MTUS2: variants seen among roughly 807,000 people sequenced by gnomAD.
MTUS2 encodes microtubule associated scaffold protein 2.
In MTUS2, 40 loss-of-function variants were observed where a neutral mutation model predicts 114.1. The ratio of observed to expected loss-of-function variants is 0.35; its 90% CI spans 0.27 to 0.46. MTUS2 has a LOEUF of 0.46. Among genes scored for constraint, MTUS2 ranks in the 20% least tolerant of loss-of-function variants. MTUS2 has a pLI of 1.00. For synonymous variants in MTUS2, 688 were observed against 672.0 expected (o/e 1.02, Z -0.37); for missense variants, 1,679 against 1,705.4 (o/e 0.98, Z 0.27).
intron 8 of MTUS2, among the ~76,000 whole-genome samples, chr13:29,431,046 CAAAACA>C (rs1876956282): frequency 6.6e-6 from 1 of 152,080 alleles, no homozygotes; most frequent in African/African-American, 2.4e-5. Context: ...TTTGAGAAAT[CAAAACA>C]ATTTAACAGT....
In MTUS2 at chr13:28,848,489, G is replaced by A. The variant is rs559703878; in HGVS notation, c.-243+8639G>A. Among the ~76,000 whole-genome samples the A allele has an allele frequency of 1.8e-4, 28 of 151,960 alleles. No individual in the cohort carries two copies. In the South Asian group the frequency reaches 4.6e-3, roughly 25 times the overall value. ...AATAGTCAAAAGGATTACATTATAC[G>A]ATAAATAATAAAAACAAACTTGTTG... On this transcript the variant is annotated intron_variant, in intron 2 of 15. Coordinates refer to ENST00000612955, the MANE Select transcript of MTUS2 (RefSeq NM_001033602.4).
intron 5 of MTUS2, among the ~76,000 whole-genome samples, chr13:29,203,707 A>G (rs925955968): frequency 5.3e-5 from 8 of 152,092 alleles, no homozygotes; most frequent in African/African-American, 1.7e-4. Flanking sequence ...TGGGAAAAGC[A>G]TAGTATCTGG....
chr13:28,958,606 G>A (rs1883180418), intron 2 of MTUS2, among the ~76,000 whole-genome samples: 1 of 152,236 alleles, frequency 6.6e-6, no homozygotes, highest in African/African-American at 2.4e-5. Context: ...ATTAAAAGGT[G>A]TGGAAATTCT....
chr13:28,956,967 C>T (rs1883101297), intron 2 of MTUS2, among the ~76,000 whole-genome samples: 1 of 151,414 alleles, frequency 6.6e-6, no homozygotes, highest in Middle Eastern at 3.4e-3. Flanking sequence ...GGGAAGAAGG[C>T]TGCCCTAGAG....
chr13:29,293,494 A>G (rs2139583469), intron 6 of MTUS2, among the ~76,000 whole-genome samples: 1 of 152,252 alleles, frequency 6.6e-6, no homozygotes, highest in South Asian at 2.1e-4. Context: ...AGTGTTAGTG[A>G]GAATATAAAT....
chr13:29,310,211 A>C (rs1682585451), intron 6 of MTUS2, among the ~76,000 whole-genome samples: 1 of 152,126 alleles, frequency 6.6e-6, no homozygotes, highest in African/African-American at 2.4e-5. Context: ...TACTGTTGTC[A>C]CCTATTTTAC....
intron 4 of MTUS2, among the ~76,000 whole-genome samples, chr13:29,074,191 C>T (rs1407126014): frequency 1.3e-5 from 2 of 152,200 alleles, no homozygotes; most frequent in Non-Finnish European, 2.9e-5. Flanking sequence ...TCAAGCAAGA[C>T]TCTTCCAGCT....
chr13:29,273,659 A>T (rs543654023), intron 5 of MTUS2, among the ~76,000 whole-genome samples: 1 of 152,318 alleles, frequency 6.6e-6, no homozygotes, highest in East Asian at 1.9e-4. Context: ...TCGAGAACAT[A>T]TTTAATCACC....
At chr13:29,215,019 T>G (rs373108595) in intron 5 of MTUS2, among the ~76,000 whole-genome samples, 4 of 152,196 alleles carry the variant, frequency 2.6e-5, no homozygotes, top group African/African-American at 7.2e-5. Flanking sequence ...AGTTTGGTCT[T>G]TCCACATAGT....
At chr13:29,406,372 G>C (rs888643394) in intron 8 of MTUS2, among the ~76,000 whole-genome samples, 1 of 152,150 alleles carries the variant, frequency 6.6e-6, no homozygotes, top group South Asian at 2.1e-4. Context: ...ATCAAAGCTG[G>C]ACTGGGGCTG....
rs760714753 is a variant in MTUS2, at chr13:28,850,290, A to T, written c.-243+10440A>T. ...TAGACAGATACATTCCCCTCTGTAT[A>T]GGGCCCCATCCCAGTTTTTGGACAG... On this transcript the variant is annotated intron_variant, in intron 2 of 15. Transcript: ENST00000612955. 2.4e-3 allele frequency among the ~76,000 whole-genome samples: 366 copies of T among 152,362 alleles called. 1 individual carries two copies. The highest frequency in any genetic ancestry group is 4.5e-3 in the Non-Finnish European group (304 of 68,038).
chr13:29,385,717 A>T (rs1872589574), intron 8 of MTUS2, among the ~76,000 whole-genome samples: 1 of 152,174 alleles, frequency 6.6e-6, no homozygotes, highest in Non-Finnish European at 1.5e-5. Flanking sequence ...GTTCTGAGCC[A>T]ATCAGGGATA....
chr13:28,884,120 A>G (rs1878452373), intron 2 of MTUS2, among the ~76,000 whole-genome samples: 3 of 152,222 alleles, frequency 2.0e-5, no homozygotes, highest in Non-Finnish European at 4.4e-5. Flanking sequence ...TCATAGCAGC[A>G]TTATTCACTT....
At chr13:29,460,181 C>G (rs1879384104) in intron 9 of MTUS2, among the ~76,000 whole-genome samples, 1 of 152,186 alleles carries the variant, frequency 6.6e-6, no homozygotes, top group Non-Finnish European at 1.5e-5. Flanking sequence ...AGTCAATTGA[C>G]TTGCCCGAGG....
chr13:29,194,448 A>C (rs985264945), intron 5 of MTUS2, among the ~76,000 whole-genome samples: 6 of 151,912 alleles, frequency 3.9e-5, no homozygotes, highest in African/African-American at 1.4e-4. Context: ...ATGAACAGAC[A>C]CTTCTCAAAA....
chr13:28,840,981 G>A (rs1875441019), intron 2 of MTUS2, among the ~76,000 whole-genome samples: 1 of 152,224 alleles, frequency 6.6e-6, no homozygotes, highest in African/African-American at 2.4e-5. Flanking sequence ...TTTATAGTAT[G>A]TGCTTTCAGA....
At chr13:28,957,841 A>G (rs1883143960) in intron 2 of MTUS2, among the ~76,000 whole-genome samples, 1 of 152,252 alleles carries the variant, frequency 6.6e-6, no homozygotes. Flanking sequence ...ACAGATGTGC[A>G]TGAACCCTGC....
intron 2 of MTUS2, among the ~76,000 whole-genome samples, chr13:28,945,635 T>G (rs1283003146): frequency 1.3e-5 from 2 of 152,236 alleles, no homozygotes; most frequent in African/African-American, 4.8e-5. Context: ...TTTTGAAAAA[T>G]GTCTGTTCAT....
chr13:29,403,186 CTGTGCACACAGACT>C (rs1874481299), intron 8 of MTUS2, among the ~76,000 whole-genome samples: 1 of 152,160 alleles, frequency 6.6e-6, no homozygotes, highest in African/African-American at 2.4e-5. Context: ...CCCCTGGGCC[CTGTGCACACAGACT>C]TGTGCCTTGA....
Sources: gnomAD v4.1 joint callset for allele counts (sites outside exome capture counted in the v4.1 genomes callset) on GRCh38, gnomAD v4.1.1 for gene constraint, MANE v1.5 for transcripts, NCBI Gene and HGNC (gene_info 2026-07-23, HGNC 2026-07-21) for gene names.